The following LUZP2 variants were observed in gnomAD, a reference collection of about 807,000 sequenced individuals.
LUZP2 encodes leucine zipper protein 2.
LUZP2 carries 52 observed loss-of-function variants against 51.6 expected under a neutral mutation model. The ratio of observed to expected loss-of-function variants is 1.01; its 90% CI spans 0.81 to 1.27. The LOEUF is 1.27. Ranked by LOEUF, LUZP2 falls within the 50% of genes most tolerant of loss-of-function variation. The pLI is 0.00. For synonymous variants in LUZP2, 154 were observed against 137.3 expected, an observed-to-expected ratio of 1.12 and a Z score of -0.85; for missense variants, 436 against 395.4, an observed-to-expected ratio of 1.10 and a Z score of -0.87.
intron 1 of LUZP2, among the ~76,000 whole-genome samples, chr11:24,606,101 C>A (rs149971848): frequency 1.3e-5 from 2 of 151,368 alleles, no homozygotes; most frequent in Non-Finnish European, 1.5e-5. Flanking sequence ...TATATTTATA[C>A]GTATATATGC....
intron 1 of LUZP2, among the ~76,000 whole-genome samples, chr11:24,587,600 T>C (rs1853115101): frequency 6.6e-6 from 1 of 152,108 alleles, no homozygotes; most frequent in African/African-American, 2.4e-5. Context: ...AAATACAATA[T>C]GAAGGTTACT....
intron 5 of LUZP2, among the ~76,000 whole-genome samples, chr11:24,768,562 C>A (rs2134045421): frequency 6.6e-6 from 1 of 152,188 alleles, no homozygotes; most frequent in Non-Finnish European, 1.5e-5. Flanking sequence ...AATTAAGTAG[C>A]AAATAAATAA....
chr11:25,055,533 G>A (rs1411751679), intron 10 of LUZP2, among the ~76,000 whole-genome samples: 1 of 24,484 alleles, frequency 4.1e-5, no homozygotes. Flanking sequence ...CTGACTGTGA[G>A]CTCTGAGTTA....
At chr11:24,635,421 A>AGTGT (rs3078023) in intron 1 of LUZP2, among the ~76,000 whole-genome samples, 117,952 of 150,180 alleles carry the variant, frequency 0.79, 46,588 homozygotes, top group Non-Finnish European at 0.84. Context: ...ATCAGAAAAG[A>AGTGT]GTGTGTGTGT....
intron 9 of LUZP2, among the ~76,000 whole-genome samples, chr11:25,011,232 A>T (rs1459278087): frequency 1.3e-5 from 2 of 152,218 alleles, no homozygotes; most frequent in Admixed American, 6.5e-5. Flanking sequence ...ATCTGAGAAA[A>T]GGAATGGCTT....
chr11:24,738,358 C>T, intron 4 of LUZP2, 56 bp downstream of exon 4: 1 of 1,253,210 alleles, frequency 8.0e-7, no homozygotes, highest in South Asian at 1.3e-5. Context: ...TTGTTACTTT[C>T]TTTTTCCAAA....
chr11:25,030,837 CTCACAA>C (rs1237796967), intron 9 of LUZP2, among the ~76,000 whole-genome samples: 1 of 139,574 alleles, frequency 7.2e-6, no homozygotes, highest in Non-Finnish European at 1.5e-5. Flanking sequence ...CAAAAAGCTA[CTCACAA>C]TTTGTATGTG....
chr11:24,521,368 A>AAAAAGAG (rs1564966710), intron 1 of LUZP2, among the ~76,000 whole-genome samples: 1 of 79,916 alleles, frequency 1.3e-5, no homozygotes. Flanking sequence ...AAAAAAAAAA[A>AAAAAGAG]GGTGGGGGTG....
intron 4 of LUZP2, among the ~76,000 whole-genome samples, chr11:24,750,360 G>T (rs1241962506): frequency 6.6e-6 from 1 of 152,118 alleles, no homozygotes; most frequent in Non-Finnish European, 1.5e-5. Flanking sequence ...TGCATCATTT[G>T]CATTATACTT....
intron 5 of LUZP2, among the ~76,000 whole-genome samples, chr11:24,818,466 G>C (rs978859622): frequency 6.6e-6 from 1 of 152,020 alleles, no homozygotes; most frequent in East Asian, 1.9e-4. Context: ...GTGTCCTAGA[G>C]GTGGTATGTG....
At chr11:24,860,777 G>GC (rs534795508) in intron 5 of LUZP2, among the ~76,000 whole-genome samples, 144 of 151,898 alleles carry the variant, frequency 9.5e-4, no homozygotes, top group African/African-American at 3.2e-3. Context: ...ACAACAAAAG[G>GC]CCCCCCCAAA....
intron 6 of LUZP2, among the ~76,000 whole-genome samples, chr11:24,907,993 C>T (rs927263020): frequency 1.2e-4 from 19 of 152,028 alleles, no homozygotes; most frequent in African/African-American, 3.9e-4. Flanking sequence ...TAGAGCTTAA[C>T]ATTCTCGGTA....
chr11:24,962,747 C>T (rs1284911147), intron 7 of LUZP2, among the ~76,000 whole-genome samples: 1 of 152,176 alleles, frequency 6.6e-6, no homozygotes, highest in Non-Finnish European at 1.5e-5. Context: ...CATCTGAAGC[C>T]TTCTTCTCTC....
intron 1 of LUZP2, among the ~76,000 whole-genome samples, chr11:24,673,337 T>C (rs775458784): frequency 6.6e-5 from 10 of 152,204 alleles, no homozygotes; most frequent in Non-Finnish European, 1.3e-4. Context: ...ATATATCCTA[T>C]ATATCCTATT....
At chr11:25,007,238 A>T (rs962102504) in intron 9 of LUZP2, among the ~76,000 whole-genome samples, 1 of 152,156 alleles carries the variant, frequency 6.6e-6, no homozygotes, top group African/African-American at 2.4e-5. Flanking sequence ...ACCTCTCACT[A>T]TTATTGTTAT....
chr11:24,502,086 A>G (rs1166242530), intron 1 of LUZP2, among the ~76,000 whole-genome samples: 1 of 142,744 alleles, frequency 7.0e-6, no homozygotes, highest in Non-Finnish European at 1.5e-5. Context: ...TTCAATTGTA[A>G]GGACTGAATG....
chr11:24,520,682 G>A (rs1850612838), intron 1 of LUZP2, among the ~76,000 whole-genome samples: 1 of 152,308 alleles, frequency 6.6e-6, no homozygotes, highest in Non-Finnish European at 1.5e-5. Flanking sequence ...ACTTATACAG[G>A]AACCAATACC....
chr11:24,805,145 A>G (rs748891389), intron 5 of LUZP2, among the ~76,000 whole-genome samples: 8 of 152,082 alleles, frequency 5.3e-5, no homozygotes, highest in Admixed American at 1.3e-4. Flanking sequence ...AGGCCTCACA[A>G]TCATGGCAGA....
intron 5 of LUZP2, among the ~76,000 whole-genome samples, chr11:24,801,664 G>A (rs1849700845): frequency 1.3e-5 from 2 of 151,498 alleles, no homozygotes; most frequent in Admixed American, 1.3e-4. Context: ...AATTTTTAAG[G>A]ATTTAGACAA....
Sources: gnomAD v4.1 joint callset for allele counts (sites outside exome capture counted in the v4.1 genomes callset) on GRCh38, gnomAD v4.1.1 for gene constraint, MANE v1.5 for transcripts, NCBI Gene and HGNC (gene_info 2026-07-23, HGNC 2026-07-21) for gene names.